GLIS1: variants seen among roughly 807,000 people sequenced by gnomAD.
GLIS1 encodes zinc finger protein GLIS1.
A neutral mutation model predicts 63.8 loss-of-function variants in GLIS1; 24 were observed. That is an observed-to-expected ratio of 0.38 (90% CI 0.27 to 0.53). The LOEUF is 0.53. GLIS1 is among the 20% of genes least tolerant of loss of function. The pLI is 0.85. For synonymous variants in GLIS1, 450 were observed against 482.5 expected (o/e 0.93, Z 0.88); for missense variants, 1,036 against 1,074.1 (o/e 0.96, Z 0.50).
rs138329112 is a variant in GLIS1, at chr1:53,626,611, G to C, written c.260-26333C>G. ...CTTTGTTTTCTGCTCGCTGAGGGCA[G>C]GGGCTTGGTCTATTTTGATGACAAC... On this transcript the variant is annotated intron_variant, in intron 2 of 10. Transcript: ENST00000628545. Among the ~76,000 whole-genome samples the C allele has an allele frequency of 1.1e-4, 17 of 152,366 alleles. No homozygotes were observed. The East Asian group carries it at 3.1e-3, about 28-fold the overall frequency.
intron 2 of GLIS1, among the ~76,000 whole-genome samples, chr1:53,709,271 T>C (rs1303367667): frequency 6.6e-6 from 1 of 151,274 alleles, no homozygotes; most frequent in Non-Finnish European, 1.5e-5. Flanking sequence ...AAAAATATGC[T>C]TGTTAATTTA....
intron 4 of GLIS1, among the ~76,000 whole-genome samples, chr1:53,587,058 G>A (rs1490863073): frequency 6.6e-6 from 1 of 152,180 alleles, no homozygotes; most frequent in Non-Finnish European, 1.5e-5. Flanking sequence ...TGTGAAGGAT[G>A]TATAGGAGTT....
At chr1:53,668,345 C>T (rs114808930) in intron 2 of GLIS1, among the ~76,000 whole-genome samples, 1 of 152,108 alleles carries the variant, frequency 6.6e-6, no homozygotes, top group Non-Finnish European at 1.5e-5. Flanking sequence ...TATTTTTACT[C>T]TACCTTTCCT....
intron 4 of GLIS1, among the ~76,000 whole-genome samples, chr1:53,564,702 A>C (rs2100448500): frequency 6.6e-6 from 1 of 152,244 alleles, no homozygotes; most frequent in Middle Eastern, 3.4e-3. Flanking sequence ...TGGTATAGCC[A>C]CATTAATATT....
chr1:53,518,371 C>T (rs1042993023), intron 7 of GLIS1, among the ~76,000 whole-genome samples: 2 of 152,158 alleles, frequency 1.3e-5, no homozygotes, highest in Admixed American at 6.5e-5. Context: ...CTGAGGCCGA[C>T]GTGAGGATGA....
At chr1:53,576,035 GAC>G (rs1231525953) in intron 4 of GLIS1, among the ~76,000 whole-genome samples, 1 of 152,100 alleles carries the variant, frequency 6.6e-6, no homozygotes, top group African/African-American at 2.4e-5. Flanking sequence ...CCTCAGAGGA[GAC>G]AGACTTGCTT....
chr1:53,703,460 G>A (rs2100499957), intron 2 of GLIS1, among the ~76,000 whole-genome samples: 1 of 151,866 alleles, frequency 6.6e-6, no homozygotes, highest in East Asian at 1.9e-4. Context: ...AATATAGCAA[G>A]ACCCCATCTC....
rs1041252579 is a variant in GLIS1 at position 53,574,627 on chromosome 1, C to T, written c.1320+19481G>A. On this transcript the variant is annotated intron_variant, in intron 4 of 10. Transcript: ENST00000628545. The surrounding 1 kb of genome is among the most constrained non-coding windows in gnomAD (Gnocchi z 4.2). ...AGTTTTGGGGAAGAAGTTTCTCACC[C>T]TTTCTCTGCCTGGAGAGGCTGGTGG... is the stretch of plus-strand genomic sequence containing the variant. 2.6e-5 allele frequency among the ~76,000 whole-genome samples: 4 copies of T among 152,188 alleles called. No homozygotes were observed. Among genetic ancestry groups the T allele is most frequent in the Non-Finnish European group, 5.9e-5 (4 of 68,034 alleles).
At chr1:53,713,666 G>A (rs1234836412) in intron 2 of GLIS1, among the ~76,000 whole-genome samples, 2 of 152,242 alleles carry the variant, frequency 1.3e-5, no homozygotes, top group African/African-American at 2.4e-5. Flanking sequence ...GGAGGCTGAG[G>A]TGGAAGGATC....
chr1:53,619,325 G>A (rs1645516958), intron 2 of GLIS1, among the ~76,000 whole-genome samples: 1 of 152,220 alleles, frequency 6.6e-6, no homozygotes, highest in Non-Finnish European at 1.5e-5. Context: ...AATGCCCTAA[G>A]GATGAGGTGC....
intron 10 of GLIS1, 89 bp from the exon 11 acceptor site, chr1:53,506,865 C>T (rs1441319670): frequency 3.9e-6 from 5 of 1,287,562 alleles, no homozygotes; most frequent in Non-Finnish European, 5.3e-6. Context: ...CCCCGCCTGC[C>T]CAGGGTCATC....
Position 53,548,085 on chromosome 1 carries a change from C to CG in GLIS1, c.1321-18134dup, listed in dbSNP as rs561544074. Among the ~76,000 whole-genome samples, 506 of 152,380 alleles carry CG rather than the reference C, an allele frequency of 3.3e-3. 1 individual carries two copies. Among genetic ancestry groups the CG allele is most frequent in the Non-Finnish European group, 4.9e-3 (336 of 68,040 alleles). On this transcript the variant is annotated intron_variant, in intron 4 of 10. Coordinates refer to ENST00000628545, the MANE Select transcript of GLIS1 (RefSeq NM_001367484.1). ...CGCATCCTCTGCTGCTGTTTTCGCA[C>CG]GGGGGGCATTTCTGCTGAGTGCAGG...
At chr1:53,721,332 G>C (rs1646752221) in intron 2 of GLIS1, among the ~76,000 whole-genome samples, 1 of 152,142 alleles carries the variant, frequency 6.6e-6, no homozygotes, top group Non-Finnish European at 1.5e-5. Context: ...TTCTTCATCT[G>C]CAAATCGGGG....
intron 2 of GLIS1, among the ~76,000 whole-genome samples, chr1:53,615,242 T>A (rs1432629417): frequency 6.6e-6 from 1 of 152,146 alleles, no homozygotes; most frequent in Non-Finnish European, 1.5e-5. Context: ...TGGTGGCTGA[T>A]GGATGGAAAC....
chr1:53,593,538 C>T (rs552569682), intron 4 of GLIS1, among the ~76,000 whole-genome samples: 1 of 152,330 alleles, frequency 6.6e-6, no homozygotes, highest in South Asian at 2.1e-4. Flanking sequence ...TGGTACTACC[C>T]AGGGCCTTAG....
chr1:53,686,910 C>G (rs1034671478), intron 2 of GLIS1, among the ~76,000 whole-genome samples: 1 of 152,190 alleles, frequency 6.6e-6, no homozygotes, highest in African/African-American at 2.4e-5. Context: ...CCTGCAGGAT[C>G]ACCGTGTCCA....
intron 2 of GLIS1, among the ~76,000 whole-genome samples, chr1:53,685,330 C>T: frequency 6.6e-6 from 1 of 152,200 alleles, no homozygotes; most frequent in Middle Eastern, 3.2e-3. Flanking sequence ...GTGGCCGCCC[C>T]GCCGCGGAGG....
intron 2 of GLIS1, among the ~76,000 whole-genome samples, chr1:53,640,001 T>C (rs184296605): frequency 3.5e-4 from 53 of 152,284 alleles, no homozygotes; most frequent in Admixed American, 3.2e-3. Flanking sequence ...GATTTAAATA[T>C]ATATGAGGTG....
intron 2 of GLIS1, among the ~76,000 whole-genome samples, chr1:53,733,435 C>CT (rs1330146762): frequency 6.6e-6 from 1 of 152,174 alleles, no homozygotes; most frequent in Admixed American, 6.5e-5. Flanking sequence ...CTCAGTCCAG[C>CT]TAAGCACGCT....
Sources: allele counts gnomAD v4.1 joint callset (sites outside exome capture counted in the v4.1 genomes callset), GRCh38; gene constraint gnomAD v4.1.1; non-coding constraint Gnocchi (gnomAD v3.1); transcripts MANE v1.5; gene names NCBI Gene and HGNC (gene_info 2026-07-23, HGNC 2026-07-21).